Variants in NELL1 observed in about 807,000 individuals in gnomAD.
The protein encoded by NELL1 is neural EGFL like 1.
Under a neutral mutation model 107.4 loss-of-function variants are expected in NELL1, and 76 were observed. The ratio of observed to expected loss-of-function variants is 0.71; its 90% CI spans 0.59 to 0.86. NELL1 has a LOEUF of 0.86. Among genes scored for constraint, NELL1 ranks in the 40% least tolerant of loss-of-function variants. NELL1 has a pLI of 0.00. For missense variants in NELL1, 1,024 were observed against 1,005.5 expected (o/e 1.02, Z -0.25); for synonymous variants, 353 against 341.2 (o/e 1.03, Z -0.38).
intron 13 of NELL1, among the ~76,000 whole-genome samples, chr11:21,176,181 C>T (rs1856707594): frequency 6.6e-6 from 1 of 151,850 alleles, no homozygotes; most frequent in Non-Finnish European, 1.5e-5. Context: ...GTAGAAAGTG[C>T]TTCCTAAGTG....
intron 13 of NELL1, among the ~76,000 whole-genome samples, chr11:21,199,138 C>T (rs894693064): frequency 1.3e-5 from 2 of 152,142 alleles, no homozygotes; most frequent in Admixed American, 6.6e-5. Context: ...ATATATTTAT[C>T]TTGTTCTTCT....
chr11:21,106,767 C>T (rs1024557034), intron 12 of NELL1, among the ~76,000 whole-genome samples: 3 of 152,102 alleles, frequency 2.0e-5, no homozygotes, highest in Non-Finnish European at 4.4e-5. Flanking sequence ...GTTCTATAGG[C>T]ATTTGTTTTT....
At chr11:21,220,664 C>T (rs1039145326) in intron 13 of NELL1, among the ~76,000 whole-genome samples, 1 of 151,800 alleles carries the variant, frequency 6.6e-6, no homozygotes, top group African/African-American at 2.4e-5. Context: ...ATTTCTTTTT[C>T]AGCTAGTTTG....
chr11:20,683,515 CTG>C (rs1367290354), intron 2 of NELL1, among the ~76,000 whole-genome samples: 1 of 152,040 alleles, frequency 6.6e-6, no homozygotes, highest in African/African-American at 2.4e-5. Flanking sequence ...CCATCTGTGT[CTG>C]TGCTCTTGCC....
chr11:20,792,611 G>T (rs993214564), intron 3 of NELL1, among the ~76,000 whole-genome samples: 3 of 151,926 alleles, frequency 2.0e-5, no homozygotes, highest in African/African-American at 7.2e-5. Context: ...TGTGCATTTT[G>T]AGATACTTTT....
At chr11:20,703,685 G>C (rs2133884882) in intron 2 of NELL1, among the ~76,000 whole-genome samples, 1 of 152,318 alleles carries the variant, frequency 6.6e-6, no homozygotes, top group East Asian at 1.9e-4. Flanking sequence ...ATGTGTCCCA[G>C]AGATTCTGGT....
intron 14 of NELL1, among the ~76,000 whole-genome samples, chr11:21,246,575 C>T (rs147537208): frequency 0.011 from 1,680 of 152,234 alleles, 29 homozygotes; most frequent in African/African-American, 0.039. Flanking sequence ...TTACTACATA[C>T]CTAGACTCTA....
At chr11:21,217,716 T>C (rs1180821628) in intron 13 of NELL1, among the ~76,000 whole-genome samples, 2 of 152,170 alleles carry the variant, frequency 1.3e-5, no homozygotes, top group South Asian at 2.1e-4. Flanking sequence ...AGTCCAGTCA[T>C]TGTTACAATT....
intron 13 of NELL1, among the ~76,000 whole-genome samples, chr11:21,165,211 G>C (rs1384113046): frequency 2.0e-5 from 3 of 152,110 alleles, no homozygotes; most frequent in African/African-American, 7.2e-5. Flanking sequence ...TATGTCCTAT[G>C]GTTTTCTGTT....
Position 21,068,032 on chromosome 11 carries a change from C to CAAAAAAAAAAAAAAAAA in NELL1, c.1301-45546_1301-45530dup, listed in dbSNP as rs1195285619. Among the ~76,000 whole-genome samples, 2 of 40,382 alleles carry CAAAAAAAAAAAAAAAAA rather than the reference C, an allele frequency of 5.0e-5. 1 individual carries two copies. Among genetic ancestry groups the CAAAAAAAAAAAAAAAAA allele is most frequent in the African/African-American group, 2.1e-4 (2 of 9,608 alleles). The allele number at this position is 40,382 out of a possible 152,430, so 26.5% of individuals were successfully genotyped here. A position where few individuals can be genotyped will look rare whatever the true frequency, so the allele number is the denominator to read the frequency against. On this transcript the variant is annotated intron_variant, in intron 12 of 19. Coordinates refer to ENST00000357134, the MANE Select transcript of NELL1 (RefSeq NM_006157.5). The stretch of plus-strand genomic sequence containing the variant: ...TGGGCAACAGAGTGAGATGCCATCT[C>CAAAAAAAAAAAAAAAAA]AAAAAAAAAAAAAAAAAAAAAAAAA...
At chr11:21,531,658 G>T (rs1292777918) in intron 15 of NELL1, among the ~76,000 whole-genome samples, 2 of 152,128 alleles carry the variant, frequency 1.3e-5, no homozygotes, top group African/African-American at 4.8e-5. Context: ...TGGGATGGTT[G>T]ACACATTGTG....
intron 13 of NELL1, among the ~76,000 whole-genome samples, chr11:21,198,411 C>T (rs1857198942): frequency 1.3e-5 from 2 of 152,182 alleles, no homozygotes; most frequent in Admixed American, 1.3e-4. Flanking sequence ...GGCAAGGTTA[C>T]ACTGAAAAAC....
At chr11:21,195,165 A>T (rs1467931081) in intron 13 of NELL1, among the ~76,000 whole-genome samples, 4 of 152,226 alleles carry the variant, frequency 2.6e-5, no homozygotes, top group African/African-American at 9.6e-5. Context: ...AATGTTCAGC[A>T]CATGCCCAGT....
At chr11:21,077,678 G>T (rs1215502108) in intron 12 of NELL1, among the ~76,000 whole-genome samples, 1 of 151,928 alleles carries the variant, frequency 6.6e-6, no homozygotes. Flanking sequence ...GGGAGACGGA[G>T]GTTGCAGTGA....
At chr11:20,691,145 C>A (rs1487465728) in intron 2 of NELL1, among the ~76,000 whole-genome samples, 1 of 152,056 alleles carries the variant, frequency 6.6e-6, no homozygotes, top group African/African-American at 2.4e-5. Context: ...TATCCTGAGA[C>A]TTTGCTGAAG....
At position 20,927,507 on chromosome 11, in the gene NELL1, T is replaced by C. The variant is rs962865561; in HGVS notation, c.894+65T>C. ...AAGGGGAGAGGTTTGATAATTAGAG[T>C]GTAACCTGGTTCTTTAATAAATAAT... is the stretch of plus-strand genomic sequence containing the variant. On this transcript the variant is annotated intron_variant, in intron 8 of 19. Transcript: ENST00000357134. The C allele has an allele frequency of 4.9e-5, 71 of 1,456,368 alleles. No homozygotes were observed. In the Middle Eastern group the frequency reaches 5.2e-4, roughly 11 times the overall value. The allele number at this position is 1,456,368 out of a possible 1,614,324, so 90.2% of individuals were successfully genotyped here.
intron 14 of NELL1, among the ~76,000 whole-genome samples, chr11:21,243,687 A>T (rs1858420421): frequency 6.6e-6 from 1 of 152,116 alleles, no homozygotes; most frequent in Admixed American, 6.6e-5. Context: ...CACATATGTG[A>T]TTTAAAATTT....
At chr11:20,810,280 G>A (rs1156414759) in intron 3 of NELL1, among the ~76,000 whole-genome samples, 2 of 152,024 alleles carry the variant, frequency 1.3e-5, no homozygotes, top group East Asian at 3.9e-4. Context: ...ACATGAGTAA[G>A]TTCTTTAGTG....
chr11:20,672,985 C>A lies in NELL1; in HGVS notation c.55+3207C>A, dbSNP rs368923109. Among the ~76,000 whole-genome samples, 10 of 115,932 alleles carry A rather than the reference C, an allele frequency of 8.6e-5. No homozygotes were observed. The East Asian group carries it at 1.1e-3, about 13-fold the overall frequency. The allele number at this position is 115,932 out of a possible 152,430, so 76.1% of individuals were successfully genotyped here. A position where few individuals can be genotyped will look rare whatever the true frequency, so the allele number is the denominator to read the frequency against. ...TCCTGCCTCAGCCCCCCCCCCCCCC[C>A]CCGAGTAGCTGGGATTACAGGCATG... On this transcript the variant is annotated intron_variant, in intron 1 of 19. Transcript: ENST00000357134.
Sources: allele counts gnomAD v4.1 joint callset (sites outside exome capture counted in the v4.1 genomes callset), GRCh38; gene constraint gnomAD v4.1.1; transcripts MANE v1.5; gene names NCBI Gene and HGNC (gene_info 2026-07-23, HGNC 2026-07-21).